SEMA6A: variants seen among roughly 807,000 people sequenced by gnomAD.
SEMA6A encodes semaphorin 6A.
SEMA6A carries 25 observed loss-of-function variants against 96.8 expected under a neutral mutation model. The observed-to-expected ratio is 0.26, with a 90% CI of 0.19 to 0.36. The LOEUF (loss-of-function observed/expected upper bound fraction) is 0.36. Ranked by LOEUF, SEMA6A falls within the 10% of genes least tolerant of loss-of-function variation. The pLI is 1.00. For missense variants in SEMA6A, 1,363 were observed against 1,323.1 expected (o/e 1.03, Z -0.47); for synonymous variants, 612 against 518.0 (o/e 1.18, Z -2.46).
At chr5:116,457,351 C>T (rs1013743808) in intron 18 of SEMA6A, among the ~76,000 whole-genome samples, 5 of 152,112 alleles carry the variant, frequency 3.3e-5, no homozygotes, top group African/African-American at 9.7e-5. Context: ...ATAAATTTCT[C>T]GACACCATTT....
chr5:116,547,208 C>T, intron 1 of SEMA6A, among the ~76,000 whole-genome samples: 1 of 152,150 alleles, frequency 6.6e-6, no homozygotes, highest in East Asian at 1.9e-4. Context: ...CTAGGTAGTA[C>T]TGTGGACATG....
Position 116,446,983 on chromosome 5 carries a change from T to A in SEMA6A, c.2723A>T (p.His908Leu), listed in dbSNP as rs1330192915. ...TGLSKRLEMH[H>L]SSSYGVDYKR... ...ATAGTCAACCCCGTAGGAAGAGGAG[T>A]GGTGCATTTCCAGCCGCTTGCTTAG... Residue 908 changes from histidine (H) to leucine (L), a missense_variant, in exon 19 of 19, where the codon CAC becomes CTC. Transcript: ENST00000343348. 6.2e-7 allele frequency: 1 copy of A among 1,612,618 alleles called. No individual in the cohort carries two copies. Among genetic ancestry groups the A allele is most frequent in the African/African-American group, 1.3e-5 (1 of 74,412 alleles).
At position 116,488,968 on chromosome 5, in the gene SEMA6A, G is replaced by A; in HGVS notation, c.575C>T (p.Ala192Val). ...ACTCCGGTAAATGACTGCGTCAATG[G>A]CAAGGAAGTCAGTCACTGTGGCTGA... ...LYSATVTDFL[A>V]IDAVIYRSLG... is the part of the protein sequence containing the mutation. The change falls in exon 8 of 19, where the codon GCC becomes GTC. Residue 192 changes from alanine to valine, a missense_variant. Transcript: ENST00000343348. 1 of 1,583,952 alleles carries A rather than the reference G, an allele frequency of 6.3e-7. No individual in the cohort carries two copies. The highest frequency in any genetic ancestry group is 8.6e-7 in the Non-Finnish European group (1 of 1,163,716).
intron 1 of SEMA6A, chr5:116,554,650 A>G (rs544763742): frequency 1.3e-5 from 2 of 152,326 alleles, no homozygotes; most frequent in East Asian, 1.9e-4. Flanking sequence ...GTGAAGTCCA[A>G]ATGATCCTTC....
intron 1 of SEMA6A, among the ~76,000 whole-genome samples, chr5:116,560,151 G>A (rs1003217087): frequency 2.0e-5 from 3 of 152,134 alleles, no homozygotes; most frequent in Non-Finnish European, 2.9e-5. Flanking sequence ...CCCAAATACG[G>A]AGACCTCACT....
At chr5:116,503,790 C>T (rs898777932) in intron 2 of SEMA6A, among the ~76,000 whole-genome samples, 18 of 152,274 alleles carry the variant, frequency 1.2e-4, no homozygotes, top group Non-Finnish European at 2.2e-4. Flanking sequence ...GCTGGGATTA[C>T]AGGCGTAAGC....
chr5:116,487,300 A>G (rs1281179218), intron 9 of SEMA6A: 3 of 253,482 alleles, frequency 1.2e-5, no homozygotes, highest in Non-Finnish European at 2.3e-5. Flanking sequence ...AATCTCTGCC[A>G]TCCTCACTAG....
At chr5:116,561,357 G>C (rs1402639191) in intron 1 of SEMA6A, among the ~76,000 whole-genome samples, 3 of 152,036 alleles carry the variant, frequency 2.0e-5, no homozygotes, top group South Asian at 4.1e-4. Context: ...CTCCTTACTG[G>C]GCAAAACAGC....
intron 1 of SEMA6A, among the ~76,000 whole-genome samples, chr5:116,534,335 C>T (rs529589379): frequency 1.3e-5 from 2 of 152,362 alleles, no homozygotes; most frequent in African/African-American, 4.8e-5. Flanking sequence ...ACCTTCAGTG[C>T]TTCCCACTGC....
At chr5:116,482,617 GTT>G in intron 10 of SEMA6A, 42 bp from the exon 11 acceptor site, 1 of 1,604,068 alleles carries the variant, frequency 6.2e-7, no homozygotes, top group Non-Finnish European at 8.5e-7. Context: ...TCATGCAATG[GTT>G]ATGCATGTGG....
At chr5:116,570,519 G>A (rs1196949623) in intron 1 of SEMA6A, among the ~76,000 whole-genome samples, 2 of 152,188 alleles carry the variant, frequency 1.3e-5, no homozygotes, top group Non-Finnish European at 2.9e-5. Context: ...TGTGGAGAGG[G>A]GCAGTGCAGA....
intron 3 of SEMA6A, 137 bp from the exon 4 acceptor site, chr5:116,497,524 C>T (rs920285031): frequency 3.6e-6 from 2 of 552,772 alleles, no homozygotes; most frequent in Admixed American, 3.6e-5. Context: ...AAGAAAAGAG[C>T]GCAGCCTTCA....
At chr5:116,495,355 A>T (rs1262872956) in intron 6 of SEMA6A, 58 bp downstream of exon 6, 16 of 1,273,322 alleles carry the variant, frequency 1.3e-5, no homozygotes, top group Non-Finnish European at 1.8e-5. Context: ...AGGTACAATC[A>T]CAGTAAATTA....
chr5:116,497,100 A>G (rs1040482769), intron 4 of SEMA6A, among the ~76,000 whole-genome samples: 3 of 152,244 alleles, frequency 2.0e-5, no homozygotes, highest in African/African-American at 7.2e-5. Flanking sequence ...TAAAACTTCA[A>G]AATGTATATG....
intron 7 of SEMA6A, among the ~76,000 whole-genome samples, chr5:116,489,879 C>T: frequency 6.6e-6 from 1 of 152,132 alleles, no homozygotes; most frequent in African/African-American, 2.4e-5. Context: ...ATAGCAAAAT[C>T]TATGTTGATT....
chr5:116,573,565 A>G (rs2112930969), intron 1 of SEMA6A, among the ~76,000 whole-genome samples: 1 of 152,054 alleles, frequency 6.6e-6, no homozygotes, highest in Admixed American at 6.5e-5. Context: ...CCAGGATCTC[A>G]CCGAGAGACA....
chr5:116,487,292 T>C (rs1479168265), intron 9 of SEMA6A: 1 of 266,342 alleles, frequency 3.8e-6, no homozygotes, highest in Non-Finnish European at 7.3e-6. Context: ...GTATGCACAA[T>C]CTCTGCCATC....
chr5:116,505,084 G>T, intron 1 of SEMA6A, 102 bp from the exon 2 acceptor site: 1 of 599,790 alleles, frequency 1.7e-6, no homozygotes. Flanking sequence ...AAAGGCTTCT[G>T]CTTTACATCT....
chr5:116,449,603 A>C (rs1276248449), intron 18 of SEMA6A: 1 of 458,086 alleles, frequency 2.2e-6, no homozygotes, highest in African/African-American at 2.0e-5. Context: ...TGAAAAGTAC[A>C]TTCTCTTTTT....
Sources: allele counts gnomAD v4.1 joint callset (sites outside exome capture counted in the v4.1 genomes callset), GRCh38; gene constraint gnomAD v4.1.1; transcripts MANE v1.5; gene names NCBI Gene and HGNC (gene_info 2026-07-23, HGNC 2026-07-21).